SNX19: variants seen among roughly 807,000 people sequenced by gnomAD.
The protein encoded by SNX19 is sorting nexin-19.
SNX19 carries 60 observed loss-of-function variants against 85.2 expected under a neutral mutation model. The observed-to-expected ratio is 0.70, with a 90% CI of 0.57 to 0.87. The LOEUF (loss-of-function observed/expected upper bound fraction) is 0.87. SNX19 is among the 40% of genes least tolerant of loss of function. The probability of loss-of-function intolerance (pLI) is 0.00; values close to 1 mark genes in which losing one functional copy is unlikely to be tolerated. For missense variants in SNX19, 1,201 were observed against 1,217.8 expected (o/e 0.99, Z 0.21); for synonymous variants, 520 against 470.0 (o/e 1.11, Z -1.38).
intron 5 of SNX19, 67 bp from the exon 6 acceptor site, chr11:130,906,788 G>T: frequency 1.8e-6 from 2 of 1,114,466 alleles, no homozygotes; most frequent in Non-Finnish European, 2.7e-6. Context: ...CTAAGGGCTG[G>T]CAAGTACTGA....
chr11:130,915,443 A>G lies in SNX19; in HGVS notation c.497T>C (p.Leu166Pro). Residue 166 changes from leucine to proline, a missense_variant, in exon 1 of 11, where the codon CTG becomes CCG. This residue lies in a region of SNX19 where 791 missense variants were observed against 750.9 expected (regional missense o/e 1.05). Coordinates refer to ENST00000265909, the MANE Select transcript of SNX19 (RefSeq NM_014758.3). ...CTCCTTTGCCTGAATGTAGCTCTGC[A>G]GGTGACAACCGCAGAGAGTCAGAAC... ...QSVLTLCGCH[L>P]QSYIQAKEAT... is the part of the protein sequence containing the mutation. 6.2e-7 allele frequency: 1 copy of G among 1,614,038 alleles called. No individual in the cohort carries two copies. Among genetic ancestry groups the G allele is most frequent in the Non-Finnish European group, 8.5e-7 (1 of 1,180,020 alleles).
intron 7 of SNX19, among the ~76,000 whole-genome samples, chr11:130,905,167 T>C (rs990275264): frequency 2.6e-5 from 4 of 152,236 alleles, no homozygotes; most frequent in African/African-American, 9.6e-5. Context: ...TCTAGGGCTT[T>C]GAATTTTTCT....
At chr11:130,913,335 C>G (rs149337454) in intron 1 of SNX19, among the ~76,000 whole-genome samples, 31 of 152,274 alleles carry the variant, frequency 2.0e-4, no homozygotes, top group African/African-American at 5.8e-4. Flanking sequence ...ATTTTATGAC[C>G]AGACATCTGT....
At chr11:130,899,105 T>C (rs1945075668) in intron 8 of SNX19, among the ~76,000 whole-genome samples, 1 of 152,224 alleles carries the variant, frequency 6.6e-6, no homozygotes, top group African/African-American at 2.4e-5. Context: ...CTTGGAGGAA[T>C]TAAATGGTAT....
intron 1 of SNX19, 96 bp from the exon 2 acceptor site, chr11:130,911,867 G>T: frequency 2.4e-6 from 3 of 1,240,252 alleles, no homozygotes; most frequent in Non-Finnish European, 2.3e-6. Flanking sequence ...CACATAGCAA[G>T]AGTACGAAAC....
At position 130,878,564 on chromosome 11, in the gene SNX19, A is replaced by G; in HGVS notation, c.2847-10T>C. 6.2e-7 allele frequency: 1 copy of G among 1,611,814 alleles called. No homozygotes were observed. Among genetic ancestry groups the G allele is most frequent in the Non-Finnish European group, 8.5e-7 (1 of 1,178,914 alleles). On this transcript the variant is annotated splice_polypyrimidine_tract_variant and intron_variant, in intron 10 of 10. Coordinates refer to ENST00000265909, the MANE Select transcript of SNX19 (RefSeq NM_014758.3). ...GCAGTAAATCAAATGCCTGAAACGA[A>G]TGGACAAAAAACTTAGGGTCTGGCT... is the stretch of plus-strand genomic sequence containing the variant.
At chr11:130,896,205 G>C (rs7111085) in intron 8 of SNX19, among the ~76,000 whole-genome samples, 48,992 of 152,034 alleles carry the variant, frequency 0.32, 8,486 homozygotes, top group African/African-American at 0.45. Context: ...AGGAAGAGAT[G>C]GGGTATAAGA....
At chr11:130,894,379 G>A (rs1272630195) in intron 8 of SNX19, among the ~76,000 whole-genome samples, 2 of 152,110 alleles carry the variant, frequency 1.3e-5, no homozygotes, top group African/African-American at 4.8e-5. Context: ...TGCTGAAGAC[G>A]CATTAGAGCA....
chr11:130,878,299 G>T lies in SNX19; in HGVS notation c.*123C>A. The T allele has an allele frequency of 1.8e-6, 2 of 1,112,114 alleles. No individual in the cohort carries two copies. Among genetic ancestry groups the T allele is most frequent in the Non-Finnish European group, 2.5e-6 (2 of 796,142 alleles). The allele number at this position is 1,112,114 out of a possible 1,614,324, so 68.9% of individuals were successfully genotyped here. ...TGGAGCAGAAGTGGGAGAGAAGTGAGCCACCGAGAACCTAGGCCTTCTTAG... is the reference window on the plus strand; with the variant it reads ...TGGAGCAGAAGTGGGAGAGAAGTGATCCACCGAGAACCTAGGCCTTCTTAG... On this transcript the variant is annotated 3_prime_UTR_variant, in exon 11 of 11. Transcript: ENST00000265909.
chr11:130,889,600 T>C (rs906210929), intron 8 of SNX19, among the ~76,000 whole-genome samples: 1 of 152,334 alleles, frequency 6.6e-6, no homozygotes, highest in East Asian at 1.9e-4. Flanking sequence ...AGTTTTTATC[T>C]CATTCTGTTA....
At position 130,867,813 on chromosome 11, in the gene SNX19, C is replaced by T. The variant is rs1454655996; in HGVS notation, c.*10609G>A. On this transcript the variant is annotated 3_prime_UTR_variant, in exon 11 of 11. Transcript: ENST00000265909. ...GCATCTTTTCTATGATCCAGTTCAACTTCTTTGTATGGAAGAAACTGAGGT... is the reference window on the plus strand; with the variant it reads ...GCATCTTTTCTATGATCCAGTTCAATTTCTTTGTATGGAAGAAACTGAGGT... 6.6e-6 allele frequency: 1 copy of T among 152,174 alleles called. No homozygotes were observed. The highest frequency in any genetic ancestry group is 2.4e-5 in the African/African-American group (1 of 41,448). The allele number at this position is 152,174 out of a possible 1,614,324, so 9.4% of individuals were successfully genotyped here. A position where few individuals can be genotyped will look rare whatever the true frequency, so the allele number is the denominator to read the frequency against.
At position 130,873,907 on chromosome 11, in the gene SNX19, G is replaced by A. The variant is rs1407647946; in HGVS notation, c.*4515C>T. ...TTTCTGTAGATATCTGACCTTCATG[G>A]AAGATGACCTCATCTCTGGGGGAAA... On this transcript the variant is annotated 3_prime_UTR_variant, in exon 11 of 11. Coordinates refer to ENST00000265909, the MANE Select transcript of SNX19 (RefSeq NM_014758.3). Among the ~76,000 whole-genome samples the A allele has an allele frequency of 2.0e-5, 3 of 152,160 alleles. No homozygotes were observed. Among genetic ancestry groups the A allele is most frequent in the Non-Finnish European group, 2.9e-5 (2 of 68,036 alleles).
chr11:130,889,701 A>AT (rs1029971581), intron 8 of SNX19, among the ~76,000 whole-genome samples: 11 of 151,898 alleles, frequency 7.2e-5, no homozygotes, highest in African/African-American at 2.7e-4. Context: ...CTTTATCTGA[A>AT]TTTTTTTGTC....
At chr11:130,913,278 G>C (rs1012699281) in intron 1 of SNX19, among the ~76,000 whole-genome samples, 1 of 152,192 alleles carries the variant, frequency 6.6e-6, no homozygotes, top group African/African-American at 2.4e-5. Flanking sequence ...AAAAAGGCAG[G>C]AAAATGTTAA....
In SNX19 at chr11:130,915,321, C is replaced by T. The variant is rs1451238408; in HGVS notation, c.619G>A (p.Ala207Thr). The change falls in exon 1 of 11, where the codon GCT (alanine) becomes ACT (threonine). Residue 207 changes from alanine (A) to threonine (T), a missense_variant. Around this residue, in one of 3 missense-constraint regions of SNX19, gnomAD observed 791 missense variants for 750.9 expected, o/e 1.05. Transcript: ENST00000265909. ...ACGCCACGCGTATAGGTGACTTCAG[C>T]ACTGGGGCTGTGCACAGCAGGATGT... ...APHPAVHSPSAEVTYTRGVVN... is the reference protein window; with the variant it reads ...APHPAVHSPSTEVTYTRGVVN... 1.9e-6 allele frequency: 3 copies of T among 1,614,082 alleles called. No individual in the cohort carries two copies. The highest frequency in any genetic ancestry group is 2.5e-6 in the Non-Finnish European group (3 of 1,180,034).
rs1185374844 is a variant in SNX19 at position 130,875,385 on chromosome 11, A to C, written c.*3037T>G. On this transcript the variant is annotated 3_prime_UTR_variant, in exon 11 of 11. Coordinates refer to ENST00000265909, the MANE Select transcript of SNX19 (RefSeq NM_014758.3). ...CGAGGAGTGGCTGTTCAATGGGTAT[A>C]AACTTTTGGTTATGCAAGATGAAAA... is the stretch of plus-strand genomic sequence containing the variant. 1.3e-5 allele frequency: 2 copies of C among 152,174 alleles called. No homozygotes were observed. The highest frequency in any genetic ancestry group is 2.9e-5 in the Non-Finnish European group (2 of 68,040). 9.4% of individuals were successfully genotyped at this position (152,174 alleles called of 1,614,324 possible). A position where few individuals can be genotyped will look rare whatever the true frequency, so the allele number is the denominator to read the frequency against.
intron 8 of SNX19, chr11:130,895,305 A>G (rs1421652518): frequency 1.0e-6 from 1 of 968,980 alleles, no homozygotes; most frequent in Non-Finnish European, 1.2e-6. Context: ...TGAAAGACTC[A>G]GTTTCCATTT....
intron 8 of SNX19, among the ~76,000 whole-genome samples, chr11:130,881,489 C>T (rs1006028174): frequency 2.6e-5 from 4 of 152,208 alleles, no homozygotes; most frequent in African/African-American, 4.8e-5. Context: ...TTCTAGCTCT[C>T]CTCTGATGGG....
chr11:130,881,910 T>C (rs1943704859), intron 8 of SNX19, among the ~76,000 whole-genome samples: 3 of 152,228 alleles, frequency 2.0e-5, no homozygotes, highest in African/African-American at 7.2e-5. Flanking sequence ...TTCTGTGTCT[T>C]GTACTTTAAA....
Sources: allele counts gnomAD v4.1 joint callset (sites outside exome capture counted in the v4.1 genomes callset), GRCh38; gene constraint gnomAD v4.1.1; regional missense constraint gnomAD v4.1.1; transcripts MANE v1.5; gene names NCBI Gene and HGNC (gene_info 2026-07-23, HGNC 2026-07-21).